The following TSGA10 variants were observed in gnomAD, a reference collection of about 807,000 sequenced individuals.
TSGA10 encodes testis-specific gene 10 protein.
TSGA10 carries 43 observed loss-of-function variants against 96.6 expected under a neutral mutation model. The observed-to-expected ratio is 0.44, with a 90% CI of 0.35 to 0.57. TSGA10 has a LOEUF of 0.57. Ranked by LOEUF, TSGA10 falls within the 20% of genes least tolerant of loss-of-function variation. The pLI is 0.01. For missense variants in TSGA10, 703 were observed against 834.4 expected (o/e 0.84, Z 1.94); for synonymous variants, 229 against 269.9 (o/e 0.85, Z 1.48).
At chr2:99,139,460 C>G (rs1462407479) in intron 1 of TSGA10, among the ~76,000 whole-genome samples, 2 of 152,072 alleles carry the variant, frequency 1.3e-5, no homozygotes, top group African/African-American at 2.4e-5. Flanking sequence ...CAATGGAATT[C>G]TGAAATCTGG....
intron 20 of TSGA10, among the ~76,000 whole-genome samples, chr2:98,999,833 T>A (rs963925538): frequency 6.6e-6 from 1 of 152,190 alleles, no homozygotes; most frequent in Non-Finnish European, 1.5e-5. Context: ...ACTGAAGCCA[T>A]GACCTTCCAG....
intron 17 of TSGA10, among the ~76,000 whole-genome samples, chr2:99,030,810 A>G (rs1404284057): frequency 6.6e-6 from 1 of 152,212 alleles, no homozygotes; most frequent in East Asian, 1.9e-4. Flanking sequence ...CATGTACAGA[A>G]CTTGCATGCT....
chr2:99,010,810 C>T (rs11681323), intron 20 of TSGA10, among the ~76,000 whole-genome samples: 143 of 152,292 alleles, frequency 9.4e-4, no homozygotes, highest in Non-Finnish European at 1.7e-3. Flanking sequence ...CAGGGAAGGG[C>T]CAGGTTCAAA....
rs185198696 is a variant in TSGA10, at chr2:99,054,156, G to A, written c.1404+10783C>T. On this transcript the variant is annotated intron_variant, in intron 16 of 20. Transcript: ENST00000393483. ...AAAACAACAGTAATCAAAACAGAAT[G>A]GTAGTGCCATAAAAAGCAGACATAG... Among the ~76,000 whole-genome samples, 57 of 152,248 alleles carry A rather than the reference G, an allele frequency of 3.7e-4. No individual in the cohort carries two copies. In the Middle Eastern group the frequency reaches 0.01, roughly 27 times the overall value.
chr2:99,103,389 T>C (rs899363342), intron 10 of TSGA10, among the ~76,000 whole-genome samples: 2 of 152,328 alleles, frequency 1.3e-5, no homozygotes, highest in South Asian at 2.1e-4. Flanking sequence ...AAACCACTCA[T>C]GTAGAGGTCT....
chr2:98,999,430 G>A (rs1483601329), intron 20 of TSGA10, among the ~76,000 whole-genome samples: 1 of 152,148 alleles, frequency 6.6e-6, no homozygotes, highest in East Asian at 1.9e-4. Flanking sequence ...AGTGGTTAGA[G>A]GAAAGTAAAT....
At chr2:99,023,174 A>AT (rs2080203648) in intron 17 of TSGA10, among the ~76,000 whole-genome samples, 1 of 152,012 alleles carries the variant, frequency 6.6e-6, no homozygotes, top group East Asian at 1.9e-4. Context: ...TAATTTTTGT[A>AT]TTTTTTGTAG....
chr2:99,112,177 C>G (rs2091875704), intron 4 of TSGA10, among the ~76,000 whole-genome samples: 1 of 152,126 alleles, frequency 6.6e-6, no homozygotes, highest in African/African-American at 2.4e-5. Context: ...TGAATGCCTA[C>G]TACCTGCCTG....
rs114806194 is a variant in TSGA10 at position 99,091,399 on chromosome 2, A to G, written c.612-10002T>C. Among the ~76,000 whole-genome samples the G allele has an allele frequency of 2.0e-3, 297 of 152,220 alleles. 3 individuals carry two copies. Among genetic ancestry groups the G allele is most frequent in the Middle Eastern group, 6.8e-3 (2 of 294 alleles). On this transcript the variant is annotated intron_variant, in intron 10 of 20. Coordinates refer to ENST00000393483, the MANE Select transcript of TSGA10 (RefSeq NM_025244.4). ...GCATGCATGCATACATACATACATA[A>G]ATACCAAGGTATTCAGGCAGTAAAT...
intron 10 of TSGA10, among the ~76,000 whole-genome samples, chr2:99,099,806 CAAAT>C (rs1290708691): frequency 1.3e-5 from 2 of 151,862 alleles, no homozygotes; most frequent in African/African-American, 4.8e-5. Flanking sequence ...TTTATGTACA[CAAAT>C]AAAAAAACTT....
chr2:99,131,530 T>A (rs2093083880), intron 1 of TSGA10, among the ~76,000 whole-genome samples: 1 of 152,186 alleles, frequency 6.6e-6, no homozygotes, highest in Admixed American at 6.5e-5. Context: ...GCTAAGACAG[T>A]GGGGTTTTCT....
At chr2:99,087,200 T>C (rs1163490451) in intron 10 of TSGA10, among the ~76,000 whole-genome samples, 1 of 149,130 alleles carries the variant, frequency 6.7e-6, no homozygotes, top group Non-Finnish European at 1.5e-5. Flanking sequence ...CAACACTCCG[T>C]CTCAAAAAAA....
intron 1 of TSGA10, chr2:99,141,210 TC>T: frequency 8.9e-7 from 1 of 1,123,074 alleles, no homozygotes; most frequent in Non-Finnish European, 1.1e-6. Context: ...TCCGCCCCTT[TC>T]TCCTCCCTTC....
At chr2:99,073,449 G>T (rs985220606) in intron 12 of TSGA10, among the ~76,000 whole-genome samples, 16 of 152,104 alleles carry the variant, frequency 1.1e-4, no homozygotes, top group African/African-American at 3.9e-4. Flanking sequence ...TTTAGAACTG[G>T]TTCTCTTGCT....
intron 10 of TSGA10, among the ~76,000 whole-genome samples, chr2:99,081,814 G>C (rs1026571390): frequency 2.1e-5 from 3 of 140,166 alleles, no homozygotes; most frequent in African/African-American, 7.9e-5. Context: ...AATATGGAGA[G>C]ATATACCATT....
At chr2:99,101,621 A>G (rs2090745019) in intron 10 of TSGA10, among the ~76,000 whole-genome samples, 1 of 152,220 alleles carries the variant, frequency 6.6e-6, no homozygotes, top group Non-Finnish European at 1.5e-5. Context: ...GATATATGGG[A>G]CACTATCAAG....
intron 16 of TSGA10, among the ~76,000 whole-genome samples, chr2:99,036,933 T>G (rs2081681365): frequency 6.6e-6 from 1 of 152,138 alleles, no homozygotes; most frequent in Non-Finnish European, 1.5e-5. Context: ...TAACAATCCT[T>G]AATGTGCACA....
At chr2:99,096,057 A>G (rs2089997902) in intron 10 of TSGA10, among the ~76,000 whole-genome samples, 1 of 152,232 alleles carries the variant, frequency 6.6e-6, no homozygotes. Context: ...AATCAATGAG[A>G]AAAATAATTT....
chr2:99,120,092 CCT>C (rs1312178928), intron 2 of TSGA10, among the ~76,000 whole-genome samples: 1 of 151,914 alleles, frequency 6.6e-6, no homozygotes, highest in Non-Finnish European at 1.5e-5. Flanking sequence ...CATTTATTTC[CCT>C]GTCCCTTCTA....
Sources: gnomAD v4.1 joint callset for allele counts (sites outside exome capture counted in the v4.1 genomes callset) on GRCh38, gnomAD v4.1.1 for gene constraint, MANE v1.5 for transcripts, NCBI Gene and HGNC (gene_info 2026-07-23, HGNC 2026-07-21) for gene names.